Variants in GSE1 observed in about 807,000 individuals in gnomAD.
The protein encoded by GSE1 is genetic suppressor element 1.
GSE1 carries 32 observed loss-of-function variants against 112.6 expected under a neutral mutation model. The ratio of observed to expected loss-of-function variants is 0.28; its 90% CI spans 0.21 to 0.38. The LOEUF is 0.38. GSE1 is among the 10% of genes least tolerant of loss of function. GSE1 has a pLI of 1.00. For synonymous variants in GSE1, 1,115 were observed against 735.6 expected (o/e 1.52, Z -8.35); for missense variants, 2,348 against 1,699.2 (o/e 1.38, Z -6.71).
intron 1 of GSE1, among the ~76,000 whole-genome samples, chr16:85,262,690 C>T (rs202051530): frequency 3.3e-5 from 5 of 152,162 alleles, no homozygotes; most frequent in African/African-American, 9.7e-5. Context: ...AGTGGGAGTC[C>T]GAGACTCCAT....
chr16:85,646,482 G>C (rs968477238), intron 2 of GSE1, among the ~76,000 whole-genome samples: 2 of 152,238 alleles, frequency 1.3e-5, no homozygotes, highest in African/African-American at 4.8e-5. Flanking sequence ...GCCCCCAGTG[G>C]ACACTGCTGT....
chr16:85,222,691 A>C (rs532295758), intron 1 of GSE1, among the ~76,000 whole-genome samples: 1 of 152,186 alleles, frequency 6.6e-6, no homozygotes, highest in Admixed American at 6.5e-5. Flanking sequence ...ACGTGGCCCA[A>C]TTAAAAACGT....
At chr16:85,658,774 A>C (rs967183085) in intron 8 of GSE1, among the ~76,000 whole-genome samples, 5 of 152,014 alleles carry the variant, frequency 3.3e-5, no homozygotes, top group Admixed American at 6.6e-5. Flanking sequence ...TGGCCTGATA[A>C]CATCAGGGTG....
At position 85,550,120 on chromosome 16, in the gene GSE1, C is replaced by G. The variant is rs115624436; in HGVS notation, c.2465-83794C>G. ...GTGCAGGGGTGATTCGCCTCATTTT[C>G]CAGGTAAGGAAACTGAGGGTCAAAA... On this transcript the variant is annotated intron_variant, in intron 2 of 2. Transcript: ENST00000637419. Among the ~76,000 whole-genome samples the G allele has an allele frequency of 7.4e-3, 1,130 of 152,214 alleles. 13 individuals are homozygous for G. Among genetic ancestry groups the G allele is most frequent in the African/African-American group, 0.024 (1,012 of 41,524 alleles).
intron 1 of GSE1, among the ~76,000 whole-genome samples, chr16:85,188,051 G>C (rs2074743845): frequency 1.3e-5 from 2 of 152,248 alleles, no homozygotes; most frequent in African/African-American, 4.8e-5. Context: ...GCTGGGCCCT[G>C]TTCACAGTGG....
intron 1 of GSE1, among the ~76,000 whole-genome samples, chr16:85,350,087 G>A (rs1358418049): frequency 6.6e-6 from 1 of 152,196 alleles, no homozygotes; most frequent in African/African-American, 2.4e-5. Flanking sequence ...ATTCAGGTGG[G>A]GTTGCTGGGA....
chr16:85,224,279 A>T (rs1193601091), intron 1 of GSE1, among the ~76,000 whole-genome samples: 1 of 131,788 alleles, frequency 7.6e-6, no homozygotes, highest in African/African-American at 2.9e-5. Context: ...ACCCTTATGA[A>T]ACCCTATCTC....
chr16:85,370,608 CCTCCTTCTCTCCCTCCCT>C (rs2047275449), intron 2 of GSE1, among the ~76,000 whole-genome samples: 1 of 4,746 alleles, frequency 2.1e-4, no homozygotes, highest in South Asian at 0.013. Flanking sequence ...CTCTTCCCTC[CCTCCTTCTCTCCCTCCCT>C]CCTTCTCTCC....
chr16:85,462,666 G>A (rs1170921258), intron 2 of GSE1, among the ~76,000 whole-genome samples: 20 of 141,610 alleles, frequency 1.4e-4, no homozygotes, highest in African/African-American at 4.9e-4. Flanking sequence ...TGCCCGGGGA[G>A]CGCGGGCGGG....
At chr16:85,448,474 T>G (rs1175078249) in intron 2 of GSE1, among the ~76,000 whole-genome samples, 2 of 152,170 alleles carry the variant, frequency 1.3e-5, no homozygotes, top group East Asian at 3.9e-4. Context: ...CTGGAGATGC[T>G]CCAGTCACCT....
chr16:85,585,387 G>T (rs934724193), intron 1 of GSE1, among the ~76,000 whole-genome samples: 18 of 152,218 alleles, frequency 1.2e-4, no homozygotes, highest in Admixed American at 3.3e-4. Context: ...CAGCCGAGAG[G>T]GCATTTTCAG....
chr16:85,489,511 C>G (rs1001752809), intron 2 of GSE1, among the ~76,000 whole-genome samples: 23 of 152,086 alleles, frequency 1.5e-4, no homozygotes, highest in Admixed American at 4.6e-4. Flanking sequence ...GACTGTGCAG[C>G]CATCGGACCC....
upstream of GSE1, among the ~76,000 whole-genome samples, chr16:85,609,157 G>T (rs866779327): frequency 6.6e-6 from 1 of 152,330 alleles, no homozygotes; most frequent in South Asian, 2.1e-4. Flanking sequence ...CTGCCCCCTT[G>T]CCTTCCAAAT....
chr16:85,519,018 TC>T (rs2052048292), intron 2 of GSE1, among the ~76,000 whole-genome samples: 1 of 152,172 alleles, frequency 6.6e-6, no homozygotes, highest in Non-Finnish European at 1.5e-5. Context: ...TCCCAGCGCC[TC>T]CCTCACCATG....
intron 1 of GSE1, among the ~76,000 whole-genome samples, chr16:85,619,040 C>T (rs2048558204): frequency 6.6e-6 from 1 of 152,346 alleles, no homozygotes; most frequent in Non-Finnish European, 1.5e-5. Flanking sequence ...GGGGTGGCCC[C>T]TTTTCCCAAA....
At chr16:85,520,812 A>G (rs1598049579) in intron 2 of GSE1, among the ~76,000 whole-genome samples, 1 of 152,208 alleles carries the variant, frequency 6.6e-6, no homozygotes, top group Non-Finnish European at 1.5e-5. Context: ...TGCCAGAGAA[A>G]AAGATTTTGT....
intron 1 of GSE1, among the ~76,000 whole-genome samples, chr16:85,626,773 C>A (rs978331223): frequency 1.3e-5 from 2 of 150,660 alleles, no homozygotes; most frequent in Non-Finnish European, 2.9e-5. Context: ...ACGGGATCCG[C>A]GGGAGGCCGG....
At chr16:85,428,226 G>A (rs1273499163) in intron 2 of GSE1, among the ~76,000 whole-genome samples, 3 of 152,230 alleles carry the variant, frequency 2.0e-5, no homozygotes, top group Non-Finnish European at 2.9e-5. Context: ...GAGGGCCCGA[G>A]ACAAGGTCCA....
At chr16:85,444,797 GC>G (rs2049467570) in intron 2 of GSE1, among the ~76,000 whole-genome samples, 1 of 152,240 alleles carries the variant, frequency 6.6e-6, no homozygotes, top group Non-Finnish European at 1.5e-5. Flanking sequence ...CTGGGCCCCT[GC>G]CCCAGTCCCT....
Sources: gnomAD v4.1 joint callset for allele counts (sites outside exome capture counted in the v4.1 genomes callset) on GRCh38, gnomAD v4.1.1 for gene constraint, MANE v1.5 for transcripts, NCBI Gene and HGNC (gene_info 2026-07-23, HGNC 2026-07-21) for gene names.